The following SP100 variants were observed in gnomAD, a reference collection of about 807,000 sequenced individuals.
The protein encoded by SP100 is SP100 nuclear body protein, also known as nuclear autoantigen Sp-100.
Under a neutral mutation model 130.0 loss-of-function variants are expected in SP100, and 84 were observed. The observed-to-expected ratio is 0.65, with a 90% CI of 0.54 to 0.77. The LOEUF is 0.77. Among genes scored for constraint, SP100 ranks in the 30% least tolerant of loss-of-function variants. The pLI, the probability that SP100 is intolerant of heterozygous loss-of-function variation, is 0.00. For synonymous variants in SP100, 331 were observed against 351.7 expected, an observed-to-expected ratio of 0.94 and a Z score of 0.66; for missense variants, 978 against 1,052.2, an observed-to-expected ratio of 0.93 and a Z score of 0.97.
intron 13 of SP100, among the ~76,000 whole-genome samples, chr2:230,468,089 G>T (rs2065052048): frequency 6.6e-6 from 1 of 152,118 alleles, no homozygotes; most frequent in African/African-American, 2.4e-5. Context: ...AACCTAAAAG[G>T]TGGGTGAGAT....
At chr2:230,470,174 G>GC in intron 15 of SP100, 76 bp downstream of exon 15, 1 of 1,534,772 alleles carries the variant, frequency 6.5e-7, no homozygotes, top group Admixed American at 2.1e-5. Context: ...GTTTCCAGAC[G>GC]CTTTTTATTC....
chr2:230,433,565 C>A (rs967904896), intron 2 of SP100, among the ~76,000 whole-genome samples: 4 of 152,032 alleles, frequency 2.6e-5, no homozygotes, highest in African/African-American at 9.7e-5. Flanking sequence ...CATACTGAGT[C>A]TCTAGATCAA....
At chr2:230,473,478 A>G in intron 16 of SP100, 38 bp downstream of exon 16, 1 of 1,236,620 alleles carries the variant, frequency 8.1e-7, no homozygotes. Context: ...GAAGTGGCTC[A>G]GTGGATATCA....
At position 230,464,110 on chromosome 2, in the gene SP100, G is replaced by A; in HGVS notation, c.1101G>A (p.Glu367=). The change falls in exon 11 of 29, where the codon GAG becomes GAA. Residue 367 remains glutamate (E), a synonymous_variant. Coordinates refer to ENST00000340126, the MANE Select transcript of SP100 (RefSeq NM_001080391.2). ...CTTTAGAATCAAATGATGAAAAGGA[G>A]GGCCAAGAAGCCACTTGCTCACGAC... ...DNPLESNDEK[E]GQEATCSRPQ... is the part of the protein sequence containing the mutation. 1 of 1,613,324 alleles carries A rather than the reference G, an allele frequency of 6.2e-7. No individual in the cohort carries two copies. Among genetic ancestry groups the A allele is most frequent in the Non-Finnish European group, 8.5e-7 (1 of 1,179,320 alleles).
chr2:230,432,928 T>C (rs1224546301), intron 2 of SP100, among the ~76,000 whole-genome samples: 1 of 152,220 alleles, frequency 6.6e-6, no homozygotes, highest in Non-Finnish European at 1.5e-5. Flanking sequence ...CAAAGATTTT[T>C]CCTGTGTTTT....
chr2:230,541,266 T>A, intron 26 of SP100, 35 bp from the exon 27 acceptor site: 4 of 1,589,988 alleles, frequency 2.5e-6, no homozygotes, highest in Non-Finnish European at 3.5e-6. Context: ...CTCTCTAAAT[T>A]GCATTTAATT....
In SP100 at chr2:230,515,429, C is replaced by T. The variant is rs535757567; in HGVS notation, c.2094+4263C>T. 3.7e-6 allele frequency: 6 copies of T among 1,613,782 alleles called. No individual in the cohort carries two copies. In the South Asian group the frequency reaches 6.6e-5, roughly 18 times the overall value. The stretch of plus-strand genomic sequence containing the variant: ...AAACTGGCAGGGATGTGGAATAACA[C>T]CGCTGCAGCTGACAAGCAGTTTTAT... On this transcript the variant is annotated intron_variant, in intron 24 of 28. Transcript: ENST00000340126.
intron 17 of SP100, among the ~76,000 whole-genome samples, chr2:230,492,325 T>C (rs973079127): frequency 3.9e-5 from 6 of 152,194 alleles, no homozygotes; most frequent in African/African-American, 1.4e-4. Context: ...TTGGTTTGGC[T>C]AGAGACAGGG....
At chr2:230,466,184 CA>C (rs57983447) in intron 11 of SP100, 116 bp from the exon 12 acceptor site, 31,848 of 256,616 alleles carry the variant, frequency 0.12, 1,514 homozygotes, top group African/African-American at 0.35. Context: ...GACTCCATCT[CA>C]AAAAAAAAAA....
chr2:230,539,222 C>A, intron 24 of SP100, 45 bp from the exon 25 acceptor site: 1 of 1,235,848 alleles, frequency 8.1e-7, no homozygotes, highest in Non-Finnish European at 1.2e-6. Flanking sequence ...TTCTAGGGTC[C>A]AAGGGTCTCA....
chr2:230,541,482 C>T, intron 27 of SP100, 110 bp downstream of exon 27: 1 of 855,416 alleles, frequency 1.2e-6, no homozygotes, highest in Non-Finnish European at 1.9e-6. Flanking sequence ...GTTTTTAGTT[C>T]AGGCTACTAT....
chr2:230,506,279 G>A, intron 21 of SP100, 24 bp from the exon 22 acceptor site: 1 of 1,612,192 alleles, frequency 6.2e-7, no homozygotes, highest in Non-Finnish European at 8.5e-7. Flanking sequence ...CAGTTGGGGA[G>A]CTCACTTTGC....
At chr2:230,474,548 T>C in intron 17 of SP100, 101 bp downstream of exon 17, 1 of 663,448 alleles carries the variant, frequency 1.5e-6, no homozygotes, top group South Asian at 1.9e-5. Context: ...ACTTTTATTA[T>C]AGATTAAAGG....
At position 230,467,223 on chromosome 2, in the gene SP100, C is replaced by A; in HGVS notation, c.1291+8C>A. On this transcript the variant is annotated splice_region_variant and intron_variant, in intron 13 of 28. Coordinates refer to ENST00000340126, the MANE Select transcript of SP100 (RefSeq NM_001080391.2). ...GCAAGCATGGTGAGAAGGGTAAGAA[C>A]AGCTCCCTTGACTTCAGGGCTCTGA... is the stretch of plus-strand genomic sequence containing the variant. 6.2e-7 allele frequency: 1 copy of A among 1,601,230 alleles called. No individual in the cohort carries two copies. Among genetic ancestry groups the A allele is most frequent in the South Asian group, 1.1e-5 (1 of 90,834 alleles).
intron 8 of SP100, among the ~76,000 whole-genome samples, chr2:230,459,138 A>G (rs1374380992): frequency 6.6e-6 from 1 of 152,228 alleles, no homozygotes; most frequent in Non-Finnish European, 1.5e-5. Context: ...TATGAATAGA[A>G]AAAACATAGA....
intron 15 of SP100, chr2:230,470,639 A>C (rs2065220827): frequency 5.6e-6 from 1 of 177,890 alleles, no homozygotes; most frequent in Admixed American, 6.6e-5. Context: ...CAAAATTTTT[A>C]AGACATAGGC....
intron 2 of SP100, among the ~76,000 whole-genome samples, chr2:230,438,077 C>G (rs1333468008): frequency 2.6e-5 from 4 of 152,140 alleles, no homozygotes; most frequent in African/African-American, 9.6e-5. Flanking sequence ...CAGTTGCATA[C>G]CATAACTTGC....
chr2:230,417,589 A>G lies in SP100; in HGVS notation c.33-2A>G. ...CTTGGTCCTGCCAAATTGTCTTTCT[A>G]GGAGGCTGAATGAATGTATTTCACC... On this transcript the variant is annotated splice_acceptor_variant, in intron 1 of 28. Coordinates refer to ENST00000340126, the MANE Select transcript of SP100 (RefSeq NM_001080391.2). LOFTEE classifies it high-confidence loss of function. The G allele has an allele frequency of 6.2e-7, 1 of 1,611,566 alleles. No individual in the cohort carries two copies. Among genetic ancestry groups the G allele is most frequent in the Non-Finnish European group, 8.5e-7 (1 of 1,179,282 alleles).
chr2:230,417,956 AT>A (rs760691893), intron 2 of SP100, among the ~76,000 whole-genome samples: 1 of 152,086 alleles, frequency 6.6e-6, no homozygotes, highest in East Asian at 1.9e-4. Context: ...TGTGATACAG[AT>A]TTTTTTAAGA....
Sources: gnomAD v4.1 joint callset for allele counts (sites outside exome capture counted in the v4.1 genomes callset) on GRCh38, gnomAD v4.1.1 for gene constraint, MANE v1.5 for transcripts, NCBI Gene and HGNC (gene_info 2026-07-23, HGNC 2026-07-21) for gene names.